Variants in RAD51B observed in about 807,000 individuals in gnomAD.
RAD51B encodes the protein DNA repair protein RAD51 homolog 2.
In RAD51B, 38 loss-of-function variants were observed where a neutral mutation model predicts 42.2. The observed-to-expected ratio is 0.90, with a 90% confidence interval of 0.70 to 1.18. The LOEUF is 1.18. Among genes scored for constraint, RAD51B ranks in the 50% most tolerant of loss-of-function variants. RAD51B has a pLI of 0.00. For missense variants in RAD51B, 373 were observed against 400.7 expected (o/e 0.93, Z 0.59); for synonymous variants, 154 against 145.2 (o/e 1.06, Z -0.43).
At chr14:68,312,160 T>C (rs2081978167) in intron 8 of RAD51B, among the ~76,000 whole-genome samples, 1 of 152,230 alleles carries the variant, frequency 6.6e-6, no homozygotes, top group South Asian at 2.1e-4. Flanking sequence ...AAAGGTGTTA[T>C]ATCCAAGGGT....
chr14:68,367,911 A>T (rs1034097844), intron 8 of RAD51B, among the ~76,000 whole-genome samples: 1 of 152,258 alleles, frequency 6.6e-6, no homozygotes, highest in African/African-American at 2.4e-5. Context: ...AACTATTTTT[A>T]TGGCTGTGGA....
chr14:68,422,130 C>T (rs1441706670), intron 9 of RAD51B: 14 of 1,426,058 alleles, frequency 9.8e-6, no homozygotes, highest in African/African-American at 1.4e-5. Context: ...GCAAACAGCT[C>T]GAAGGAGACA....
At chr14:67,991,372 T>A (rs145639591) in intron 7 of RAD51B, among the ~76,000 whole-genome samples, 1 of 152,320 alleles carries the variant, frequency 6.6e-6, no homozygotes, top group Non-Finnish European at 1.5e-5. Flanking sequence ...TAAAAAAACT[T>A]TGTGGAGATT....
chr14:68,404,249 G>A (rs112835715), intron 8 of RAD51B, among the ~76,000 whole-genome samples: 1,747 of 152,308 alleles, frequency 0.011, 39 homozygotes, highest in African/African-American at 0.04. Flanking sequence ...GCTTTGGCAG[G>A]TCTAAATATC....
At chr14:68,101,490 A>T (rs2077288605) in intron 7 of RAD51B, among the ~76,000 whole-genome samples, 1 of 152,202 alleles carries the variant, frequency 6.6e-6, no homozygotes, top group Admixed American at 6.5e-5. Flanking sequence ...GATGGGAGAA[A>T]TTGGCTAAAA....
intron 7 of RAD51B, among the ~76,000 whole-genome samples, chr14:68,280,971 C>T (rs144562885): frequency 1.1e-3 from 163 of 151,690 alleles, no homozygotes; most frequent in African/African-American, 3.8e-3. Flanking sequence ...GTGGGAGGAA[C>T]GCTTGAGCTC....
chr14:68,062,895 T>C (rs2076591898), intron 7 of RAD51B, among the ~76,000 whole-genome samples: 2 of 151,916 alleles, frequency 1.3e-5, no homozygotes, highest in African/African-American at 4.8e-5. Flanking sequence ...GTAGGGAGAC[T>C]TTGTATTGCT....
intron 7 of RAD51B, among the ~76,000 whole-genome samples, chr14:68,048,652 A>T (rs2076341704): frequency 6.6e-6 from 1 of 152,238 alleles, no homozygotes; most frequent in African/African-American, 2.4e-5. Flanking sequence ...TCAAAACCAC[A>T]GTGAAATATC....
intron 5 of RAD51B, among the ~76,000 whole-genome samples, chr14:67,872,684 A>G (rs1227921843): frequency 6.6e-6 from 1 of 151,694 alleles, no homozygotes; most frequent in Non-Finnish European, 1.5e-5. Flanking sequence ...CCTGACTTCA[A>G]ACTATACTAC....
intron 7 of RAD51B, among the ~76,000 whole-genome samples, chr14:67,919,320 C>A (rs914205419): frequency 1.3e-5 from 2 of 152,156 alleles, no homozygotes. Context: ...GAGCTGAAGA[C>A]AGTTAAGATG....
chr14:68,453,401 A>G (rs1263719500), intron 9 of RAD51B, among the ~76,000 whole-genome samples: 1 of 152,240 alleles, frequency 6.6e-6, no homozygotes, highest in Non-Finnish European at 1.5e-5. Flanking sequence ...AGAACACTTG[A>G]GAGATTTCTT....
intron 7 of RAD51B, among the ~76,000 whole-genome samples, chr14:67,977,560 CCTGGCCAAGCCCT>C (rs2075018739): frequency 6.6e-6 from 1 of 152,212 alleles, no homozygotes; most frequent in Non-Finnish European, 1.5e-5. Context: ...CAGCTATGGG[CCTGGCCAAGCCCT>C]TTGGCAAAGA....
chr14:68,269,664 AG>A (rs1019131613), intron 7 of RAD51B, among the ~76,000 whole-genome samples: 56 of 152,238 alleles, frequency 3.7e-4, no homozygotes, highest in African/African-American at 1.3e-3. Context: ...GACCCTGACT[AG>A]GGGGTCTCAC....
chr14:68,667,324 C>T (rs1884809), intron 11 of RAD51B, among the ~76,000 whole-genome samples: 3,682 of 152,324 alleles, frequency 0.024, 62 homozygotes, highest in Non-Finnish European at 0.034. Flanking sequence ...AGAATTCCTT[C>T]TTCTTCAGGA....
At chr14:68,099,111 A>T (rs1055105080) in intron 7 of RAD51B, among the ~76,000 whole-genome samples, 1 of 152,226 alleles carries the variant, frequency 6.6e-6, no homozygotes, top group Non-Finnish European at 1.5e-5. Context: ...GAAGTTGAAA[A>T]ACCCTAACTT....
intron 10 of RAD51B, among the ~76,000 whole-genome samples, chr14:68,624,608 G>T (rs1359596523): frequency 2.6e-5 from 4 of 151,888 alleles, no homozygotes; most frequent in Non-Finnish European, 5.9e-5. Flanking sequence ...ACCACCTCTG[G>T]ACTGGCCAGA....
At chr14:67,897,486 A>G (rs2043460414) in intron 7 of RAD51B, among the ~76,000 whole-genome samples, 1 of 152,322 alleles carries the variant, frequency 6.6e-6, no homozygotes. Context: ...GAAGACATAC[A>G]TATGGTTCAC....
chr14:68,597,000 G>A (rs1891023891), downstream of RAD51B, among the ~76,000 whole-genome samples: 1 of 152,184 alleles, frequency 6.6e-6, no homozygotes, highest in African/African-American at 2.4e-5. Context: ...CTTGTCCTTA[G>A]AAAATTCGTT....
At chr14:68,170,039 T>G (rs2078837804) in intron 7 of RAD51B, among the ~76,000 whole-genome samples, 1 of 152,210 alleles carries the variant, frequency 6.6e-6, no homozygotes, top group Non-Finnish European at 1.5e-5. Context: ...ATGCCTTTCT[T>G]ACTGAGGGTT....
Sources: gnomAD v4.1 joint callset for allele counts (sites outside exome capture counted in the v4.1 genomes callset) on GRCh38, gnomAD v4.1.1 for gene constraint, MANE v1.5 for transcripts, NCBI Gene and HGNC (gene_info 2026-07-23, HGNC 2026-07-21) for gene names.